Variants in BAIAP2 observed in about 807,000 individuals in gnomAD.
BAIAP2 encodes the protein BAR/IMD domain containing adaptor protein 2.
BAIAP2 carries 18 observed loss-of-function variants against 63.0 expected under a neutral mutation model. The ratio of observed to expected loss-of-function variants is 0.29; its 90% CI spans 0.20 to 0.42. The LOEUF (loss-of-function observed/expected upper bound fraction) is 0.42. BAIAP2 is among the 10% of genes least tolerant of loss of function. BAIAP2 has a pLI of 1.00. For missense variants in BAIAP2, 610 were observed against 734.3 expected, an observed-to-expected ratio of 0.83 and a Z score of 1.96; for synonymous variants, 386 against 307.6, an observed-to-expected ratio of 1.25 and a Z score of -2.67.
At chr17:81,098,596 C>T (rs771587635) in intron 6 of BAIAP2, among the ~76,000 whole-genome samples, 42 of 152,326 alleles carry the variant, frequency 2.8e-4, no homozygotes, top group Non-Finnish European at 4.6e-4. Flanking sequence ...TACCCTCCGT[C>T]CTGGTGTGTT....
At chr17:81,109,026 C>G (rs954014477) in intron 13 of BAIAP2, 1 of 1,541,094 alleles carries the variant, frequency 6.5e-7, no homozygotes, top group Middle Eastern at 1.7e-4. Flanking sequence ...AGCCGCTGCT[C>G]TGAAGAGCTT....
At chr17:81,073,962 G>A (rs1357236211) in intron 3 of BAIAP2, among the ~76,000 whole-genome samples, 2 of 152,190 alleles carry the variant, frequency 1.3e-5, no homozygotes, top group African/African-American at 2.4e-5. Context: ...TCCAATAGGT[G>A]GAATGCTGAT....
chr17:81,106,167 G>A (rs1441321937), intron 11 of BAIAP2, 21 bp downstream of exon 11: 3 of 1,565,506 alleles, frequency 1.9e-6, no homozygotes, highest in Admixed American at 3.8e-5. Context: ...GGCCCAACGG[G>A]AGTGTAAGAT....
intron 3 of BAIAP2, among the ~76,000 whole-genome samples, chr17:81,065,273 A>G (rs1256901017): frequency 6.6e-6 from 1 of 152,218 alleles, no homozygotes; most frequent in Non-Finnish European, 1.5e-5. Flanking sequence ...GGGCGGGCCC[A>G]GCCTGGTCAC....
intron 3 of BAIAP2, among the ~76,000 whole-genome samples, chr17:81,060,066 ATC>A (rs1450977177): frequency 1.3e-5 from 2 of 151,990 alleles, no homozygotes; most frequent in Non-Finnish European, 2.9e-5. Flanking sequence ...GCCTTTTGGA[ATC>A]TCTCCCCGGG....
intron 13 of BAIAP2, chr17:81,110,842 T>A: frequency 6.3e-7 from 1 of 1,587,738 alleles, no homozygotes; most frequent in South Asian, 1.1e-5. Context: ...TCGCCCGTGG[T>A]CCCCCCTCCT....
At chr17:81,106,983 C>A in intron 12 of BAIAP2, 76 bp downstream of exon 12, 1 of 1,437,454 alleles carries the variant, frequency 7.0e-7, no homozygotes, top group Non-Finnish European at 9.1e-7. Flanking sequence ...CCCGTTGGAG[C>A]CTCCGCTGAG....
intron 6 of BAIAP2, 41 bp from the exon 7 acceptor site, chr17:81,099,887 C>T (rs372355716): frequency 2.2e-5 from 36 of 1,600,102 alleles, no homozygotes; most frequent in Non-Finnish European, 2.6e-5. Context: ...GACAGGCGTC[C>T]TTCCATCGCT....
chr17:81,060,960 C>T (rs2050441061), intron 3 of BAIAP2, among the ~76,000 whole-genome samples: 1 of 152,060 alleles, frequency 6.6e-6, no homozygotes, highest in Non-Finnish European at 1.5e-5. Context: ...CCCATCTCTA[C>T]TAAAATACAA....
chr17:81,091,731 G>A (rs546850825), intron 6 of BAIAP2, among the ~76,000 whole-genome samples: 24 of 152,352 alleles, frequency 1.6e-4, no homozygotes, highest in African/African-American at 5.5e-4. Context: ...CCCACGCAAG[G>A]GTGGCCTGAA....
At chr17:81,108,781 C>T (rs1454843199) in intron 13 of BAIAP2, 3 of 1,013,464 alleles carry the variant, frequency 3.0e-6, no homozygotes, top group Non-Finnish European at 2.8e-6. Flanking sequence ...CTGAGGCTGG[C>T]ATCCATGGCT....
intron 3 of BAIAP2, among the ~76,000 whole-genome samples, chr17:81,065,036 T>C (rs896174497): frequency 3.9e-5 from 6 of 152,182 alleles, no homozygotes; most frequent in Non-Finnish European, 8.8e-5. Flanking sequence ...GCAGGCGTGA[T>C]TCCGGGGCAC....
At chr17:81,094,846 G>C (rs1265078619) in intron 6 of BAIAP2, among the ~76,000 whole-genome samples, 2 of 152,250 alleles carry the variant, frequency 1.3e-5, no homozygotes, top group Non-Finnish European at 2.9e-5. Flanking sequence ...GTTACCCATG[G>C]TGACAGCTGA....
chr17:81,072,530 T>C (rs1276699964), intron 3 of BAIAP2, among the ~76,000 whole-genome samples: 2 of 152,188 alleles, frequency 1.3e-5, no homozygotes, highest in Non-Finnish European at 2.9e-5. Flanking sequence ...CACAGCCGTC[T>C]CCACGTCCCC....
chr17:81,054,692 G>A (rs907600629), intron 2 of BAIAP2, among the ~76,000 whole-genome samples: 1 of 152,156 alleles, frequency 6.6e-6, no homozygotes, highest in African/African-American at 2.4e-5. Context: ...CAAAGAGCCG[G>A]GACAGAGGGT....
At chr17:81,097,067 G>A (rs950642311) in intron 6 of BAIAP2, among the ~76,000 whole-genome samples, 64 of 152,326 alleles carry the variant, frequency 4.2e-4, no homozygotes, top group African/African-American at 1.5e-3. Context: ...GCTTAAGGTT[G>A]CCTTGCAGGG....
chr17:81,115,702 C>A, intron 13 of BAIAP2, 68 bp from the exon 14 acceptor site: 1 of 1,583,928 alleles, frequency 6.3e-7, no homozygotes, highest in Non-Finnish European at 8.7e-7. Flanking sequence ...GGGCATCGGG[C>A]AGCCCAGGTG....
intron 1 of BAIAP2, among the ~76,000 whole-genome samples, chr17:81,038,897 G>T (rs59787172): frequency 4.0e-5 from 6 of 148,630 alleles, no homozygotes; most frequent in African/African-American, 1.5e-4. Context: ...TCGCCTTCCT[G>T]GGTGGGGGGG....
intron 6 of BAIAP2, among the ~76,000 whole-genome samples, chr17:81,090,822 C>G (rs969702858): frequency 7.4e-6 from 1 of 134,614 alleles, no homozygotes; most frequent in African/African-American, 2.5e-5. Context: ...CCTCGCTGCT[C>G]CAGGCCCCTT....
Sources: allele counts gnomAD v4.1 joint callset (sites outside exome capture counted in the v4.1 genomes callset), GRCh38; gene constraint gnomAD v4.1.1; transcripts MANE v1.5; gene names NCBI Gene and HGNC (gene_info 2026-07-23, HGNC 2026-07-21).